The following TREML1 variants were observed in gnomAD, a reference collection of about 807,000 sequenced individuals.
TREML1 encodes the protein triggering receptor expressed on myeloid cells like 1.
In TREML1, 27 loss-of-function variants were observed where a neutral mutation model predicts 22.8. The ratio of observed to expected loss-of-function variants is 1.19; its 90% CI spans 0.87 to 1.64. The LOEUF (loss-of-function observed/expected upper bound fraction) is 1.64, where lower values mean the gene tolerates loss of function less well. Among genes scored for constraint, TREML1 ranks in the 40% most tolerant of loss-of-function variants. TREML1 has a pLI of 0.00. For synonymous variants in TREML1, 153 were observed against 161.9 expected, an observed-to-expected ratio of 0.94 and a Z score of 0.42; for missense variants, 356 against 382.0, an observed-to-expected ratio of 0.93 and a Z score of 0.57.
chr6:41,154,399 A>C, upstream of TREML1: 3 of 879,316 alleles, frequency 3.4e-6, no homozygotes, highest in Non-Finnish European at 5.5e-6. Flanking sequence ...GAGAAAGGAA[A>C]TGATGGGCAC....
intron 4 of TREML1, among the ~76,000 whole-genome samples, chr6:41,150,540 A>G (rs1479144824): frequency 6.6e-6 from 1 of 151,348 alleles, no homozygotes; most frequent in Non-Finnish European, 1.5e-5. Context: ...CGCTCAGCCT[A>G]CCTCCCGAGA....
intron 2 of TREML1, among the ~76,000 whole-genome samples, chr6:41,153,403 G>A (rs769834399): frequency 1.9e-4 from 29 of 151,314 alleles, no homozygotes; most frequent in Non-Finnish European, 2.9e-4. Context: ...AATTAATTCT[G>A]GTTTTATACA....
upstream of TREML1, among the ~76,000 whole-genome samples, chr6:41,155,370 A>G (rs1765392401): frequency 1.5e-5 from 1 of 66,410 alleles, no homozygotes; most frequent in Non-Finnish European, 2.8e-5. Context: ...TTCCAGAGTA[A>G]ACGTTTCTCT....
chr6:41,153,972 G>A lies in TREML1; in HGVS notation c.162C>T (p.Phe54=), dbSNP rs775263390. ...CCAGGGGCTGGCACCCCTCCGGCAA[G>A]AACCGGCACCACACCTTCTGAGCTT... The part of the protein sequence containing the change: ...DVKAQKVWCR[F]LPEGCQPLVS... The change falls in exon 2 of 6, where the codon TTC becomes TTT. Residue 54 remains phenylalanine, a synonymous_variant. Coordinates refer to ENST00000426005, the MANE Select transcript of TREML1 (RefSeq NM_178174.4). 9.9e-6 allele frequency: 16 copies of A among 1,614,086 alleles called. No individual in the cohort carries two copies. The highest frequency in any genetic ancestry group is 1.4e-5 in the Non-Finnish European group (16 of 1,180,040).
Position 41,149,518 on chromosome 6 carries a change from C to G in TREML1, c.*86G>C. 2 of 1,427,728 alleles carry G rather than the reference C, an allele frequency of 1.4e-6. No homozygotes were observed. The highest frequency in any genetic ancestry group is 1.9e-6 in the Non-Finnish European group (2 of 1,049,660). 88.4% of individuals were successfully genotyped at this position (1,427,728 alleles called of 1,614,324 possible). On this transcript the variant is annotated 3_prime_UTR_variant, in exon 6 of 6. Transcript: ENST00000426005. The stretch of plus-strand genomic sequence containing the variant: ...TAAAGTCCCTGGTTGCTCAGATATC[C>G]TAAGGATCCTAGGGCATGAGCTGGC...
At chr6:41,153,246 AGTT>A (rs1301492570) in intron 2 of TREML1, among the ~76,000 whole-genome samples, 2 of 148,138 alleles carry the variant, frequency 1.4e-5, no homozygotes, top group African/African-American at 5.0e-5. Flanking sequence ...AAGGAGTTGA[AGTT>A]GTTCAGGCAC....
chr6:41,155,379 C>CTCTCTCTCTCTCTCTG (rs1260723587), upstream of TREML1, among the ~76,000 whole-genome samples: 157 of 143,636 alleles, frequency 1.1e-3, 3 homozygotes, highest in South Asian at 0.024. Context: ...AAACGTTTCT[C>CTCTCTCTCTCTCTCTG]TCTCTCTCTC....
intron 5 of TREML1, 147 bp downstream of exon 5, chr6:41,150,113 AG>A: frequency 9.9e-6 from 10 of 1,006,350 alleles, no homozygotes; most frequent in Non-Finnish European, 1.3e-5. Context: ...GGAGACCATT[AG>A]TGTCAAGTTT....
At chr6:41,154,196 A>G (rs1161297288) in intron 1 of TREML1, 50 bp downstream of exon 1, 11 of 1,601,866 alleles carry the variant, frequency 6.9e-6, no homozygotes, top group East Asian at 2.2e-5. Context: ...ACTCCTGGAC[A>G]TGGGGCTGAG....
chr6:41,154,374 A>G, upstream of TREML1: 1 of 1,192,968 alleles, frequency 8.4e-7, no homozygotes, highest in South Asian at 1.3e-5. Flanking sequence ...TGCCTCAGAA[A>G]GTCACTTGGG....
Position 41,149,716 on chromosome 6 carries a change from C to A in TREML1, c.824G>T (p.Cys275Phe), listed in dbSNP as rs762601799. The change falls in exon 6 of 6, where the codon TGC (cysteine) becomes TTC (phenylalanine). Residue 275 changes from cysteine (C) to phenylalanine (F), a missense_variant. Cys to Phe is a radical substitution (Grantham distance 205). Transcript: ENST00000426005. ...TGTGGCATATGTCACAGGCTTGGAG[C>A]AGACCAGGACCTTAGGAGGTAGAGG... ...LPPLPPKVLV[C>F]SKPVTYATVI... 1 of 1,614,174 alleles carries A rather than the reference C, an allele frequency of 6.2e-7. No homozygotes were observed. The highest frequency in any genetic ancestry group is 8.5e-7 in the Non-Finnish European group (1 of 1,180,032).
Position 41,149,708 on chromosome 6 carries a change from G to T in TREML1, c.832C>A (p.Pro278Thr). 1 of 1,614,218 alleles carries T rather than the reference G, an allele frequency of 6.2e-7. No individual in the cohort carries two copies. Among genetic ancestry groups the T allele is most frequent in the African/African-American group, 1.3e-5 (1 of 75,060 alleles). The change falls in exon 6 of 6, where the codon CCT (proline) becomes ACT (threonine). Residue 278 changes from proline (P) to threonine (T), a missense_variant. Physicochemically the swap from Pro to Thr is conservative, Grantham distance 38. Transcript: ENST00000426005. Reference protein sequence around the residue: ...LPPKVLVCSKPVTYATVIFPG... With the variant: ...LPPKVLVCSKTVTYATVIFPG... ...AAGATTACTGTGGCATATGTCACAG[G>T]CTTGGAGCAGACCAGGACCTTAGGA...
rs758755847 is a variant in TREML1, at chr6:41,153,709, G to T, written c.376+49C>A. ...CCCATGAGCCCTGGCAATAGGCGGG[G>T]GTGGGGAGGGTAGGTCTAAGGGGTG... is the stretch of plus-strand genomic sequence containing the variant. On this transcript the variant is annotated intron_variant, in intron 2 of 5. Transcript: ENST00000426005. 2 of 1,521,144 alleles carry T rather than the reference G, an allele frequency of 1.3e-6. 1 individual carries two copies. Among genetic ancestry groups the T allele is most frequent in the South Asian group, 2.6e-5 (2 of 77,986 alleles). 94.2% of individuals were successfully genotyped at this position (1,521,144 alleles called of 1,614,324 possible). A position where few individuals can be genotyped will look rare whatever the true frequency, so the allele number is the denominator to read the frequency against.
In TREML1 at chr6:41,149,522, G is replaced by A; in HGVS notation, c.*82C>T. 1 of 1,442,494 alleles carries A rather than the reference G, an allele frequency of 6.9e-7. No individual in the cohort carries two copies. 89.4% of individuals were successfully genotyped at this position (1,442,494 alleles called of 1,614,324 possible). ...GTCCCTGGTTGCTCAGATATCCTAA[G>A]GATCCTAGGGCATGAGCTGGCTGGA... is the stretch of plus-strand genomic sequence containing the variant. On this transcript the variant is annotated 3_prime_UTR_variant, in exon 6 of 6. Transcript: ENST00000426005.
In TREML1 at chr6:41,149,513, A is replaced by G. The variant is rs1765184660; in HGVS notation, c.*91T>C. ...GATCTTAAAGTCCCTGGTTGCTCAG[A>G]TATCCTAAGGATCCTAGGGCATGAG... On this transcript the variant is annotated 3_prime_UTR_variant, in exon 6 of 6. Coordinates refer to ENST00000426005, the MANE Select transcript of TREML1 (RefSeq NM_178174.4). 7.2e-7 allele frequency: 1 copy of G among 1,386,630 alleles called. No homozygotes were observed. The highest frequency in any genetic ancestry group is 9.9e-7 in the Non-Finnish European group (1 of 1,013,654). 85.9% of individuals were successfully genotyped at this position (1,386,630 alleles called of 1,614,324 possible).
chr6:41,154,157 T>A, intron 1 of TREML1, 67 bp from the exon 2 acceptor site: 1 of 1,585,514 alleles, frequency 6.3e-7, no homozygotes. Flanking sequence ...CAGCTGCTGG[T>A]ATGGGTGTGG....
At chr6:41,150,392 G>A (rs1765214352) in intron 4 of TREML1, 79 bp from the exon 5 acceptor site, 1 of 1,441,122 alleles carries the variant, frequency 6.9e-7, no homozygotes, top group South Asian at 1.2e-5. Context: ...TCCTTCAGAA[G>A]CCTCTGAAAC....
In TREML1 at chr6:41,150,246, G is replaced by A; in HGVS notation, c.621+15C>T. 4 of 1,613,572 alleles carry A rather than the reference G, an allele frequency of 2.5e-6. No individual in the cohort carries two copies. The highest frequency in any genetic ancestry group is 4.5e-5 in the East Asian group (2 of 44,868). On this transcript the variant is annotated intron_variant, in intron 5 of 5. Coordinates refer to ENST00000426005, the MANE Select transcript of TREML1 (RefSeq NM_178174.4). ...GTCTGGGGAATTTGGCTGTGGGCCTGCAGAGGCCTCTTACCATGCCTGAAA... is the reference window on the plus strand; with the variant it reads ...GTCTGGGGAATTTGGCTGTGGGCCTACAGAGGCCTCTTACCATGCCTGAAA...
rs1339455750 is a variant in TREML1 at position 41,149,556 on chromosome 6, C to T, written c.*48G>A. On this transcript the variant is annotated 3_prime_UTR_variant, in exon 6 of 6. Transcript: ENST00000426005. ...GGCATGAGCTGGCTGGATGGATGCACAGAACCCCTAGGGATGGTCCTCATG... is the reference window on the plus strand; with the variant it reads ...GGCATGAGCTGGCTGGATGGATGCATAGAACCCCTAGGGATGGTCCTCATG... 1 of 1,555,104 alleles carries T rather than the reference C, an allele frequency of 6.4e-7. No individual in the cohort carries two copies. The highest frequency in any genetic ancestry group is 8.7e-7 in the Non-Finnish European group (1 of 1,146,396).
Sources: gnomAD v4.1 joint callset for allele counts (sites outside exome capture counted in the v4.1 genomes callset) on GRCh38, gnomAD v4.1.1 for gene constraint, MANE v1.5 for transcripts, NCBI Gene and HGNC (gene_info 2026-07-23, HGNC 2026-07-21) for gene names.